The following ZNF654 variants were observed in gnomAD, a reference collection of about 807,000 sequenced individuals.
The protein encoded by ZNF654 is melanoma-associated antigen.
A neutral mutation model predicts 95.3 loss-of-function variants in ZNF654; 19 were observed. That is an observed-to-expected ratio of 0.20 (90% CI 0.14 to 0.29). The LOEUF is 0.29. Among genes scored for constraint, ZNF654 ranks in the 10% least tolerant of loss-of-function variants. ZNF654 has a pLI of 1.00. For synonymous variants in ZNF654, 413 were observed against 457.9 expected, an observed-to-expected ratio of 0.90 and a Z score of 1.25; for missense variants, 1,046 against 1,341.0, an observed-to-expected ratio of 0.78 and a Z score of 3.44.
intron 1 of ZNF654, among the ~76,000 whole-genome samples, chr3:88,063,675 G>A (rs1453213333): frequency 1.3e-5 from 2 of 152,064 alleles, no homozygotes; most frequent in East Asian, 1.9e-4. Flanking sequence ...TAAGGCCTAA[G>A]TATCAGGAAT....
rs1707199298 is a variant in ZNF654 at position 88,142,899 on chromosome 3, A to C, written c.*1247A>C. On this transcript the variant is annotated 3_prime_UTR_variant, in exon 9 of 9. Transcript: ENST00000636215. The stretch of plus-strand genomic sequence containing the variant: ...AACTTAATAAAGTGTTAAAACAATA[A>C]ATATTTTTAAAAATACCCTCTCAGA... 6.6e-6 allele frequency: 1 copy of C among 152,296 alleles called. No individual in the cohort carries two copies. Among genetic ancestry groups the C allele is most frequent in the Non-Finnish European group, 1.5e-5 (1 of 67,780 alleles). The allele number at this position is 152,296 out of a possible 1,614,324, so 9.4% of individuals were successfully genotyped here.
chr3:88,101,262 G>A (rs1704405804), intron 2 of ZNF654, among the ~76,000 whole-genome samples: 1 of 152,036 alleles, frequency 6.6e-6, no homozygotes, highest in Non-Finnish European at 1.5e-5. Context: ...GCTCCCTCAT[G>A]CTCATTTGCA....
At chr3:88,064,330 T>G (rs1406226279) in intron 1 of ZNF654, among the ~76,000 whole-genome samples, 1 of 151,520 alleles carries the variant, frequency 6.6e-6, no homozygotes, top group Non-Finnish European at 1.5e-5. Context: ...TCACTATTGA[T>G]CTCACTATTG....
chr3:88,112,554 A>T (rs1217700395), intron 2 of ZNF654, among the ~76,000 whole-genome samples: 1 of 151,982 alleles, frequency 6.6e-6, no homozygotes, highest in Non-Finnish European at 1.5e-5. Context: ...CCATCCTGTT[A>T]TGAGTGGGAT....
intron 6 of ZNF654, among the ~76,000 whole-genome samples, chr3:88,132,259 A>G (rs1706509496): frequency 6.6e-6 from 1 of 152,162 alleles, no homozygotes; most frequent in Non-Finnish European, 1.5e-5. Context: ...TCTGTATTGT[A>G]AGGGTGACTG....
At position 88,116,559 on chromosome 3, in the gene ZNF654, T is replaced by TAC. The variant is rs140401038; in HGVS notation, c.414+3364_414+3365insCA. On this transcript the variant is annotated intron_variant, in intron 3 of 8. Coordinates refer to ENST00000636215, the MANE Select transcript of ZNF654 (RefSeq NM_001350134.2). ...AAAAATACATACATACATACATATATATACACACACACACACACATGCACA... is the reference window on the plus strand; with the variant it reads ...AAAAATACATACATACATACATATATACATACACACACACACACACATGCACA... Among the ~76,000 whole-genome samples the TAC allele has an allele frequency of 5.5e-3, 807 of 146,650 alleles. 5 individuals carry two copies. Among genetic ancestry groups the TAC allele is most frequent in the African/African-American group, 0.017 (695 of 39,772 alleles).
chr3:88,130,477 G>A (rs1226961972), intron 6 of ZNF654, among the ~76,000 whole-genome samples: 1 of 151,870 alleles, frequency 6.6e-6, no homozygotes, highest in African/African-American at 2.4e-5. Flanking sequence ...TTGGAGACAG[G>A]GTTTCACTGT....
intron 3 of ZNF654, among the ~76,000 whole-genome samples, chr3:88,114,701 T>G (rs1195352484): frequency 6.6e-6 from 1 of 152,212 alleles, no homozygotes; most frequent in Non-Finnish European, 1.5e-5. Flanking sequence ...CCTTTTGCTG[T>G]CATGTTATCT....
intron 1 of ZNF654, among the ~76,000 whole-genome samples, chr3:88,065,118 TTTTA>T (rs1461095120): frequency 3.3e-5 from 5 of 152,268 alleles, no homozygotes; most frequent in South Asian, 2.1e-4. Flanking sequence ...AATTTTAGCT[TTTTA>T]AAAAGTTTTC....
rs1190835142 is a variant in ZNF654, at chr3:88,143,770, A to T, written c.*2118A>T. On this transcript the variant is annotated 3_prime_UTR_variant, in exon 9 of 9. Coordinates refer to ENST00000636215, the MANE Select transcript of ZNF654 (RefSeq NM_001350134.2). ...CAAGACTGAGATCAAACTGGTTTATATATAACTAAATCAAGGAATGTTTTA... is the reference window on the plus strand; with the variant it reads ...CAAGACTGAGATCAAACTGGTTTATTTATAACTAAATCAAGGAATGTTTTA... The T allele has an allele frequency of 6.6e-6, 1 of 152,092 alleles. No individual in the cohort carries two copies. The highest frequency in any genetic ancestry group is 1.5e-5 in the Non-Finnish European group (1 of 67,798). The allele number at this position is 152,092 out of a possible 1,614,324, so 9.4% of individuals were successfully genotyped here. A position where few individuals can be genotyped will look rare whatever the true frequency, so the allele number is the denominator to read the frequency against.
intron 1 of ZNF654, among the ~76,000 whole-genome samples, chr3:88,060,440 G>A (rs1181843803): frequency 6.6e-6 from 1 of 152,124 alleles, no homozygotes; most frequent in Non-Finnish European, 1.5e-5. Context: ...TAAACGGTTT[G>A]TTCCCATTCA....
chr3:88,142,303 AAC>A lies in ZNF654; in HGVS notation c.*652_*653del, dbSNP rs1707173239. On this transcript the variant is annotated 3_prime_UTR_variant, in exon 9 of 9. Transcript: ENST00000636215. ...GAAAATTAAAAAACAAAACAAAAAA[AAC>A]CACAGTGCTTTGCTAATAAGCTCTT... The A allele has an allele frequency of 6.6e-6, 1 of 151,708 alleles. No homozygotes were observed. The highest frequency in any genetic ancestry group is 2.1e-4 in the South Asian group (1 of 4,774). 9.4% of individuals were successfully genotyped at this position (151,708 alleles called of 1,614,324 possible).
chr3:88,062,577 CAATTT>C (rs1706946216), intron 1 of ZNF654, among the ~76,000 whole-genome samples: 1 of 152,134 alleles, frequency 6.6e-6, no homozygotes, highest in African/African-American at 2.4e-5. Context: ...TTTAATAATT[CAATTT>C]GTCACCAAAT....
Position 88,140,371 on chromosome 3 carries a change from C to G in ZNF654, c.2702C>G (p.Ser901Cys), listed in dbSNP as rs1287183930. ...AATCCTAATCAGGAAAAAGACTCAT[C>G]TAGTAATGAGAAACAAACTATTAGT... ...DSNPNQEKDS[S>C]SNEKQTISLP... Residue 901 changes from serine to cysteine, a missense_variant, in exon 8 of 9, where the codon TCT becomes TGT. Physicochemically the swap from Ser to Cys is moderately radical, Grantham distance 112. This residue lies in a region of ZNF654 where 495 missense variants were observed against 537.0 expected (regional missense o/e 0.92). Transcript: ENST00000636215. 1 of 1,613,036 alleles carries G rather than the reference C, an allele frequency of 6.2e-7. No homozygotes were observed. The highest frequency in any genetic ancestry group is 2.2e-5 in the East Asian group (1 of 44,868).
chr3:88,115,081 C>T (rs1705311360), intron 3 of ZNF654, among the ~76,000 whole-genome samples: 2 of 152,188 alleles, frequency 1.3e-5, no homozygotes, highest in African/African-American at 4.8e-5. Flanking sequence ...GTAGGACAAA[C>T]ACAGTCCTAC....
rs1706266811 is a variant in ZNF654 at position 88,128,670 on chromosome 3, A to G, written c.551-139A>G. 5.1e-6 allele frequency: 3 copies of G among 583,874 alleles called. No individual in the cohort carries two copies. The South Asian group carries it at 8.2e-5, about 16-fold the overall frequency. 36.2% of individuals were successfully genotyped at this position (583,874 alleles called of 1,614,324 possible). A position where few individuals can be genotyped will look rare whatever the true frequency, so the allele number is the denominator to read the frequency against. On this transcript the variant is annotated intron_variant, in intron 4 of 8. Transcript: ENST00000636215. ...ACCATATAACTGAATATTTTCACAA[A>G]TAAACTCCTACTAAGGAAAATGCTA...
At position 88,140,458 on chromosome 3, in the gene ZNF654, G is replaced by A. The variant is rs542702882; in HGVS notation, c.2789G>A (p.Ser930Asn). The A allele has an allele frequency of 1.5e-5, 24 of 1,613,626 alleles. No individual in the cohort carries two copies. The highest frequency in any genetic ancestry group is 1.6e-4 in the Middle Eastern group (1 of 6,062). ...ESTEPKTCIE[S>N]MEKKTDSLVQ... ...ACAGAACCAAAGACATGTATAGAAA[G>A]TATGGAAAAGAAAACAGACAGTTTA... Residue 930 changes from serine (S) to asparagine (N), a missense_variant, in exon 8 of 9, where the codon AGT (serine) becomes AAT (asparagine). Around this residue, in one of 9 missense-constraint regions of ZNF654, gnomAD observed 495 missense variants for 537.0 expected, o/e 0.92. Coordinates refer to ENST00000636215, the MANE Select transcript of ZNF654 (RefSeq NM_001350134.2).
At chr3:88,122,757 C>T (rs1281181360) in intron 3 of ZNF654, among the ~76,000 whole-genome samples, 1 of 151,758 alleles carries the variant, frequency 6.6e-6, no homozygotes, top group Non-Finnish European at 1.5e-5. Flanking sequence ...TACCTGTAAT[C>T]CCAGCACTTT....
At chr3:88,079,828 T>C (rs1707991758) in intron 1 of ZNF654, among the ~76,000 whole-genome samples, 1 of 152,134 alleles carries the variant, frequency 6.6e-6, no homozygotes, top group Non-Finnish European at 1.5e-5. Flanking sequence ...AGTAGTGAGT[T>C]GAACAGTATG....
Sources: allele counts gnomAD v4.1 joint callset (sites outside exome capture counted in the v4.1 genomes callset), GRCh38; gene constraint gnomAD v4.1.1; regional missense constraint gnomAD v4.1.1; transcripts MANE v1.5; gene names NCBI Gene and HGNC (gene_info 2026-07-23, HGNC 2026-07-21).